Variants in MTMR14 observed in about 807,000 individuals in gnomAD.
MTMR14 encodes the protein myotubularin related protein 14.
A neutral mutation model predicts 86.3 loss-of-function variants in MTMR14; 48 were observed. The observed-to-expected ratio is 0.56, with a 90% CI of 0.44 to 0.71. The LOEUF (loss-of-function observed/expected upper bound fraction) is 0.71, where lower values mean the gene tolerates loss of function less well. Among genes scored for constraint, MTMR14 ranks in the 30% least tolerant of loss-of-function variants. MTMR14 has a pLI of 0.00. For synonymous variants in MTMR14, 366 were observed against 326.1 expected (o/e 1.12, Z -1.32); for missense variants, 780 against 834.6 (o/e 0.93, Z 0.81).
At chr3:9,652,462 TG>T (rs137899063) in intron 1 of MTMR14, among the ~76,000 whole-genome samples, 4,001 of 152,148 alleles carry the variant, frequency 0.026, 168 homozygotes, top group African/African-American at 0.09. Flanking sequence ...GGCTAAAGAA[TG>T]GGGAAGAGGG....
intron 2 of MTMR14, among the ~76,000 whole-genome samples, chr3:9,658,634 C>T (rs1251093712): frequency 3.9e-5 from 6 of 152,234 alleles, no homozygotes; most frequent in African/African-American, 1.2e-4. Flanking sequence ...CCCTGTTTAC[C>T]TGTTCTGTGA....
At chr3:9,657,838 C>T (rs1207955801) in intron 2 of MTMR14, among the ~76,000 whole-genome samples, 2 of 152,084 alleles carry the variant, frequency 1.3e-5, no homozygotes, top group African/African-American at 2.4e-5. Context: ...TATGAGCCAC[C>T]GCGCCTGGCC....
At chr3:9,655,809 A>G (rs978904936) in intron 2 of MTMR14, among the ~76,000 whole-genome samples, 17 of 151,900 alleles carry the variant, frequency 1.1e-4, no homozygotes, top group African/African-American at 3.6e-4. Context: ...GCTGCAGGCC[A>G]TGGGGAGCCA....
At chr3:9,654,878 A>G (rs758220306) in intron 2 of MTMR14, among the ~76,000 whole-genome samples, 19 of 152,246 alleles carry the variant, frequency 1.2e-4, no homozygotes, top group Admixed American at 2.6e-4. Context: ...GCCGTAGGCC[A>G]ACTGGGGAAA....
intron 9 of MTMR14, 24 bp downstream of exon 9, chr3:9,678,082 G>A (rs1162014598): frequency 1.2e-6 from 2 of 1,613,204 alleles, no homozygotes; most frequent in African/African-American, 2.7e-5. Context: ...CTCAAGCATT[G>A]AGGGCAGGAT....
intron 2 of MTMR14, among the ~76,000 whole-genome samples, chr3:9,655,057 C>G (rs1263022483): frequency 1.3e-5 from 2 of 152,086 alleles, no homozygotes; most frequent in African/African-American, 4.8e-5. Context: ...TTTTATTGTG[C>G]TAGGAACCCC....
chr3:9,679,774 T>A (rs1328039946), intron 9 of MTMR14, among the ~76,000 whole-genome samples: 1 of 152,190 alleles, frequency 6.6e-6, no homozygotes, highest in Non-Finnish European at 1.5e-5. Context: ...CCAGACAGAT[T>A]GTAATGATAA....
rs1028958256 is a variant in MTMR14 at position 9,687,904 on chromosome 3, C to T, written c.1235+13C>T. 5.1e-6 allele frequency: 8 copies of T among 1,580,858 alleles called. No homozygotes were observed. The highest frequency in any genetic ancestry group is 6.9e-6 in the Non-Finnish European group (8 of 1,161,030). On this transcript the variant is annotated intron_variant, in intron 14 of 18. Coordinates refer to ENST00000296003, the MANE Select transcript of MTMR14 (RefSeq NM_001077525.3). ...TGAAGACCCAGAGGTAAGTGGAGGC[C>T]TGCACGTGTCATGCTGGGCCAGGGC...
chr3:9,689,723 G>T (rs1241044131), intron 16 of MTMR14, among the ~76,000 whole-genome samples: 1 of 152,202 alleles, frequency 6.6e-6, no homozygotes, highest in Non-Finnish European at 1.5e-5. Context: ...GAAGAGTGAG[G>T]AATCATTTTC....
At chr3:9,698,611 C>G (rs917912084) in intron 18 of MTMR14, among the ~76,000 whole-genome samples, 11 of 152,194 alleles carry the variant, frequency 7.2e-5, no homozygotes, top group African/African-American at 2.7e-4. Flanking sequence ...CCACCAGCAC[C>G]GCAATCCAGC....
intron 1 of MTMR14, among the ~76,000 whole-genome samples, chr3:9,651,369 C>G (rs1046029963): frequency 7.9e-5 from 12 of 152,100 alleles, no homozygotes; most frequent in Non-Finnish European, 1.5e-4. Context: ...CCCCAAAATG[C>G]TGGGATTACA....
rs151262724 is a variant in MTMR14 at position 9,677,139 on chromosome 3, TCGCCC to T, written c.752-176_752-172del. ...AGGAAACCAGAGGGGCTCTAGAGGC[TCGCCC>T]CTGGCTTTTGCCCACCCGTGTCAGC... On this transcript the variant is annotated intron_variant, in intron 7 of 18. Transcript: ENST00000296003. This position sits in a 1 kb window ranked among gnomAD's most constrained non-coding sequence, Gnocchi z 4.2. Among the ~76,000 whole-genome samples, 196 of 152,348 alleles carry T rather than the reference TCGCCC, an allele frequency of 1.3e-3. 3 individuals carry two copies. In the East Asian group the frequency reaches 0.031, roughly 24 times the overall value.
Position 9,669,499 on chromosome 3 carries a change from G to C in MTMR14, c.554+7G>C, listed in dbSNP as rs574521777. 4 of 1,611,846 alleles carry C rather than the reference G, an allele frequency of 2.5e-6. No individual in the cohort carries two copies. Among genetic ancestry groups the C allele is most frequent in the Non-Finnish European group, 3.4e-6 (4 of 1,178,716 alleles). ...AGGAGGACTGTGCTCTTCGGTCAGT[G>C]CTGGGTTGCTGTGGTCAGGGGCTTG... On this transcript the variant is annotated splice_region_variant and intron_variant, in intron 5 of 18. Coordinates refer to ENST00000296003, the MANE Select transcript of MTMR14 (RefSeq NM_001077525.3).
At chr3:9,664,474 A>G (rs1471767003) in intron 3 of MTMR14, among the ~76,000 whole-genome samples, 1 of 152,020 alleles carries the variant, frequency 6.6e-6, no homozygotes, top group African/African-American at 2.4e-5. Context: ...CCACTGTGTT[A>G]AGAAATGCTT....
chr3:9,671,099 G>C lies in MTMR14; in HGVS notation c.606G>C (p.Leu202=). The C allele has an allele frequency of 1.2e-6, 2 of 1,614,216 alleles. No homozygotes were observed. The highest frequency in any genetic ancestry group is 2.2e-5 in the South Asian group (2 of 91,080). ...FDKVRGYDIK[L]LRYLSVKYIC... The stretch of plus-strand genomic sequence containing the variant: ...AGGTCAGAGGCTATGACATCAAGCT[G>C]CTTCGATACCTGTCAGTCAAATACA... Residue 202 remains leucine, a synonymous_variant, in exon 6 of 19, where the codon CTG becomes CTC. Transcript: ENST00000296003.
At chr3:9,672,616 TA>T in intron 6 of MTMR14, 68 bp from the exon 7 acceptor site, 1 of 1,334,308 alleles carries the variant, frequency 7.5e-7, no homozygotes, top group Non-Finnish European at 1.1e-6. Flanking sequence ...TTATAACCCT[TA>T]TTTGGGGAAT....
intron 2 of MTMR14, among the ~76,000 whole-genome samples, chr3:9,659,444 C>CTT (rs546901318): frequency 3.1e-4 from 43 of 139,098 alleles, no homozygotes; most frequent in African/African-American, 6.5e-4. Context: ...TGAATTGGTT[C>CTT]TTTTTTTTTT....
intron 1 of MTMR14, among the ~76,000 whole-genome samples, chr3:9,653,002 C>T (rs992970636): frequency 1.2e-4 from 18 of 151,934 alleles, no homozygotes; most frequent in African/African-American, 2.4e-4. Context: ...TTGGGGAGGC[C>T]GAGGTGGGCG....
In MTMR14 at chr3:9,677,335, A is replaced by C; in HGVS notation, c.770A>C (p.Glu257Ala). Residue 257 changes from glutamate to alanine, a missense_variant, in exon 8 of 19, where the codon GAA (glutamate) becomes GCA (alanine). Glu to Ala is a moderately radical substitution (Grantham distance 107, BLOSUM62 -1). Transcript: ENST00000296003. The surrounding 1 kb of genome is among the most constrained non-coding windows in gnomAD (Gnocchi z 4.2). The part of the protein sequence containing the change: ...IPYPGCEFFK[E>A]YKDRDYMAEG... ...TTTCCAGGCTGTGAATTTTTCAAGG[A>C]ATATAAAGATCGGGATTACATGGCA... 1 of 1,614,084 alleles carries C rather than the reference A, an allele frequency of 6.2e-7. No homozygotes were observed. Among genetic ancestry groups the C allele is most frequent in the Non-Finnish European group, 8.5e-7 (1 of 1,179,956 alleles).
Sources: gnomAD v4.1 joint callset for allele counts (sites outside exome capture counted in the v4.1 genomes callset) on GRCh38, gnomAD v4.1.1 for gene constraint, Gnocchi (gnomAD v3.1) non-coding constraint, MANE v1.5 for transcripts, NCBI Gene and HGNC (gene_info 2026-07-23, HGNC 2026-07-21) for gene names.